Variants in ATG7 observed in about 807,000 individuals in gnomAD.
ATG7 encodes autophagy related 7.
In ATG7, 70 loss-of-function variants were observed where a neutral mutation model predicts 82.4. That is an observed-to-expected ratio of 0.85 (90% CI 0.70 to 1.04). The LOEUF (loss-of-function observed/expected upper bound fraction) is 1.04. Ranked by LOEUF, ATG7 falls within the 50% of genes least tolerant of loss-of-function variation. The pLI is 0.00. For synonymous variants in ATG7, 287 were observed against 313.0 expected (o/e 0.92, Z 0.88); for missense variants, 792 against 864.3 (o/e 0.92, Z 1.05).
intron 20 of ATG7, among the ~76,000 whole-genome samples, chr3:11,471,745 C>CTTTT (rs200590021): frequency 0.046 from 4,874 of 105,438 alleles, 624 homozygotes; most frequent in African/African-American, 0.15. Context: ...TTTTAGATTT[C>CTTTT]TTTTTTTTTT....
intron 20 of ATG7, among the ~76,000 whole-genome samples, chr3:11,451,681 C>G (rs1326950989): frequency 2.0e-5 from 3 of 151,188 alleles, no homozygotes; most frequent in Non-Finnish European, 4.4e-5. Context: ...TGTTGTTGGA[C>G]TATGAAGGCG....
At chr3:11,451,493 G>C (rs922740604) in intron 20 of ATG7, among the ~76,000 whole-genome samples, 1 of 152,136 alleles carries the variant, frequency 6.6e-6, no homozygotes, top group Non-Finnish European at 1.5e-5. Flanking sequence ...GGCATTACTA[G>C]CCCTGTTCAG....
chr3:11,315,220 A>G, intron 8 of ATG7, 124 bp from the exon 9 acceptor site: 4 of 859,672 alleles, frequency 4.7e-6, no homozygotes, highest in Non-Finnish European at 6.6e-6. Context: ...GTAATAGAGT[A>G]AGAGGAGTGT....
intron 19 of ATG7, among the ~76,000 whole-genome samples, chr3:11,396,339 T>C (rs13082150): frequency 0.52 from 77,961 of 151,368 alleles, 20,919 homozygotes; most frequent in East Asian, 0.68. Context: ...CTTCAGGGGG[T>C]TGAGGTGAGA....
chr3:11,545,046 G>C (rs909879373), intron 20 of ATG7, among the ~76,000 whole-genome samples: 1 of 152,200 alleles, frequency 6.6e-6, no homozygotes, highest in Non-Finnish European at 1.5e-5. Context: ...TGTGGGAGGG[G>C]CTGCGGAGAG....
Position 11,451,847 on chromosome 3 carries a change from C to A in ATG7, c.2079+24921C>A, listed in dbSNP as rs566920274. 2.4e-3 allele frequency among the ~76,000 whole-genome samples: 356 copies of A among 148,978 alleles called. 6 individuals carry two copies. The highest frequency in any genetic ancestry group is 8.2e-3 in the African/African-American group (330 of 40,274). ...GCCCTGTCTCTCTCTATCTCTCTCT[C>A]TATATATATATACGCCTTTACATAC... On this transcript the variant is annotated intron_variant, in intron 20 of 20. Transcript: ENST00000693202.
chr3:11,508,335 TA>T (rs11324728), intron 20 of ATG7, among the ~76,000 whole-genome samples: 123,019 of 144,986 alleles, frequency 0.85, 52,190 homozygotes, highest in East Asian at 0.98. Context: ...CTGATGAGCT[TA>T]AAAAAAAAAA....
chr3:11,554,698 G>A, intron 20 of ATG7, 113 bp from the exon 21 acceptor site: 5 of 1,282,534 alleles, frequency 3.9e-6, no homozygotes, highest in Non-Finnish European at 5.5e-6. Flanking sequence ...TCAGAAACAA[G>A]GGAGTGGTTC....
At chr3:11,548,994 TCCA>T (rs2071535479) in intron 20 of ATG7, among the ~76,000 whole-genome samples, 1 of 152,158 alleles carries the variant, frequency 6.6e-6, no homozygotes, top group Non-Finnish European at 1.5e-5. Flanking sequence ...TGAGAGTGGT[TCCA>T]CCACAGGCTC....
At chr3:11,438,916 G>A (rs1435119749) in intron 20 of ATG7, among the ~76,000 whole-genome samples, 1 of 152,108 alleles carries the variant, frequency 6.6e-6, no homozygotes, top group East Asian at 1.9e-4. Context: ...CGCTATTCTA[G>A]GGGCTGTATT....
rs929023020 is a variant in ATG7, at chr3:11,488,457, C to T, written c.2079+61531C>T. ...CAGCGGCGGCTGCGGTCGGTCGCGG[C>T]AGCGGCTCCGCTTCATATCTGCAGC... On this transcript the variant is annotated intron_variant, in intron 20 of 20. Coordinates refer to ENST00000693202, the MANE Select transcript of ATG7 (RefSeq NM_001349232.2). 7,432 of 1,282,712 alleles carry T rather than the reference C, an allele frequency of 5.8e-3. 27 individuals are homozygous for T. Among genetic ancestry groups the T allele is most frequent in the Non-Finnish European group, 6.7e-3 (6,673 of 995,164 alleles). The allele number at this position is 1,282,712 out of a possible 1,614,324, so 79.5% of individuals were successfully genotyped here.
At chr3:11,359,185 A>G (rs947981863) in intron 15 of ATG7, among the ~76,000 whole-genome samples, 2 of 152,138 alleles carry the variant, frequency 1.3e-5, no homozygotes, top group African/African-American at 4.8e-5. Context: ...AGAAGAAGGG[A>G]GAAAGAGAGG....
chr3:11,409,227 G>A (rs73812449), intron 19 of ATG7, among the ~76,000 whole-genome samples: 1,768 of 152,276 alleles, frequency 0.012, 41 homozygotes, highest in African/African-American at 0.039. Context: ...ATTTACCATG[G>A]TGTGAGAGTA....
At chr3:11,529,754 C>T (rs1376347021) in intron 20 of ATG7, 1 of 152,472 alleles carries the variant, frequency 6.6e-6, no homozygotes, top group Non-Finnish European at 1.5e-5. Context: ...CCCCACACGT[C>T]ATCGTGGTAG....
At chr3:11,377,788 C>T (rs754647294) in intron 18 of ATG7, among the ~76,000 whole-genome samples, 8 of 152,120 alleles carry the variant, frequency 5.3e-5, no homozygotes, top group Non-Finnish European at 8.8e-5. Context: ...ATTCTCAAGC[C>T]TGTAACTTCC....
intron 20 of ATG7, among the ~76,000 whole-genome samples, chr3:11,448,718 C>T (rs1215609509): frequency 1.3e-5 from 2 of 152,158 alleles, no homozygotes; most frequent in African/African-American, 4.8e-5. Context: ...CACTGTTGTT[C>T]CCCTGCCCGA....
chr3:11,362,383 G>A (rs2648463), intron 16 of ATG7, among the ~76,000 whole-genome samples: 81,931 of 151,996 alleles, frequency 0.54, 22,760 homozygotes, highest in East Asian at 0.68. Flanking sequence ...CCCATCTCAC[G>A]GTCACTTTGA....
intron 20 of ATG7, among the ~76,000 whole-genome samples, chr3:11,551,493 G>C (rs114479980): frequency 0.018 from 2,730 of 152,318 alleles, 68 homozygotes; most frequent in African/African-American, 0.059. Flanking sequence ...GATTCTTCTA[G>C]GACTGTCGCA....
Position 11,370,177 on chromosome 3 carries a change from TA to T in ATG7, c.1875+5444del, listed in dbSNP as rs764584137. ...TTCACTTTTAATTAAAATGGAAACT[TA>T]TCCACTCTCCTAAAAAGGAATTTAT... On this transcript the variant is annotated intron_variant, in intron 18 of 20. Coordinates refer to ENST00000693202, the MANE Select transcript of ATG7 (RefSeq NM_001349232.2). Among the ~76,000 whole-genome samples the T allele has an allele frequency of 1.3e-4, 19 of 151,218 alleles. 1 individual carries two copies. The highest frequency in any genetic ancestry group is 2.2e-4 in the Non-Finnish European group (15 of 67,808).
Sources: gnomAD v4.1 joint callset for allele counts (sites outside exome capture counted in the v4.1 genomes callset) on GRCh38, gnomAD v4.1.1 for gene constraint, MANE v1.5 for transcripts, NCBI Gene and HGNC (gene_info 2026-07-23, HGNC 2026-07-21) for gene names.